MTHFD2L: variants seen among roughly 807,000 people sequenced by gnomAD.
The protein encoded by MTHFD2L is bifunctional methylenetetrahydrofolate dehydrogenase/cyclohydrolase 2, mitochondrial.
A neutral mutation model predicts 34.9 loss-of-function variants in MTHFD2L; 29 were observed. The observed-to-expected ratio is 0.83, with a 90% CI of 0.62 to 1.13. The LOEUF is 1.13. MTHFD2L is among the 50% of genes most tolerant of loss of function. The pLI, the probability that MTHFD2L is intolerant of heterozygous loss-of-function variation, is 0.00. For synonymous variants in MTHFD2L, 167 were observed against 155.7 expected (o/e 1.07, Z -0.54); for missense variants, 481 against 446.5 (o/e 1.08, Z -0.70).
intron 5 of MTHFD2L, among the ~76,000 whole-genome samples, chr4:74,208,362 G>A (rs1578471321): frequency 6.6e-6 from 1 of 151,802 alleles, no homozygotes; most frequent in East Asian, 1.9e-4. Flanking sequence ...CAGCCATTTA[G>A]TATCTGCACA....
upstream of MTHFD2L, among the ~76,000 whole-genome samples, chr4:74,118,868 T>C (rs1280425080): frequency 1.3e-5 from 2 of 152,224 alleles, no homozygotes; most frequent in Non-Finnish European, 2.9e-5. Flanking sequence ...TAGATTCTCA[T>C]AGGAGTGCAC....
chr4:74,196,472 T>C (rs1019762076), intron 3 of MTHFD2L, among the ~76,000 whole-genome samples: 15 of 152,070 alleles, frequency 9.9e-5, no homozygotes, highest in African/African-American at 3.6e-4. Context: ...AAGGACACAA[T>C]GTTTACTATA....
intron 5 of MTHFD2L, among the ~76,000 whole-genome samples, chr4:74,203,396 T>C (rs1734773697): frequency 6.6e-6 from 1 of 152,204 alleles, no homozygotes; most frequent in South Asian, 2.1e-4. Context: ...TTTCTGTGTC[T>C]TACCTAAGCA....
chr4:74,273,607 A>G (rs957150571), intron 6 of MTHFD2L, among the ~76,000 whole-genome samples: 2 of 152,182 alleles, frequency 1.3e-5, no homozygotes, highest in African/African-American at 4.8e-5. Context: ...GAAAATGTCT[A>G]TTATAATTCT....
At chr4:74,194,267 G>A (rs1172647042) in intron 3 of MTHFD2L, 2 of 152,086 alleles carry the variant, frequency 1.3e-5, no homozygotes, top group East Asian at 1.9e-4. Flanking sequence ...TTTCAACTAC[G>A]GTGTTAGCCC....
At chr4:74,264,957 C>A (rs1745108550) in intron 6 of MTHFD2L, among the ~76,000 whole-genome samples, 1 of 152,038 alleles carries the variant, frequency 6.6e-6, no homozygotes, top group Admixed American at 6.6e-5. Context: ...ATATTAAGAT[C>A]TATTGGAAAA....
At chr4:74,290,919 C>T (rs1403550356) in intron 7 of MTHFD2L, among the ~76,000 whole-genome samples, 1 of 149,450 alleles carries the variant, frequency 6.7e-6, no homozygotes, top group Non-Finnish European at 1.5e-5. Context: ...TGCTATACTG[C>T]GTTGCACTTT....
chr4:74,152,951 C>T (rs1324455492), intron 1 of MTHFD2L, among the ~76,000 whole-genome samples: 2 of 152,230 alleles, frequency 1.3e-5, no homozygotes, highest in South Asian at 4.1e-4. Context: ...TGCTGCCAAG[C>T]TAAGCTTCTT....
intron 7 of MTHFD2L, among the ~76,000 whole-genome samples, chr4:74,282,437 G>A (rs1464794723): frequency 6.6e-6 from 1 of 152,080 alleles, no homozygotes; most frequent in Non-Finnish European, 1.5e-5. Context: ...AAAAGAATAG[G>A]TGATGCCATT....
At chr4:74,148,427 G>T (rs1298989666) in intron 1 of MTHFD2L, among the ~76,000 whole-genome samples, 1 of 147,216 alleles carries the variant, frequency 6.8e-6, no homozygotes, top group African/African-American at 2.5e-5. Flanking sequence ...TTGCTCTGTT[G>T]CCCAGGCTGG....
intron 5 of MTHFD2L, among the ~76,000 whole-genome samples, chr4:74,211,362 A>G (rs1232619469): frequency 3.3e-5 from 5 of 152,156 alleles, no homozygotes; most frequent in Non-Finnish European, 4.4e-5. Context: ...CGTTCCATCA[A>G]TATCTAGTTT....
chr4:74,118,799 G>A (rs140681234), upstream of MTHFD2L, among the ~76,000 whole-genome samples: 1,372 of 152,296 alleles, frequency 9.0e-3, 12 homozygotes, highest in Non-Finnish European at 0.014. Flanking sequence ...ATTTATAGCC[G>A]CTCCCCATTG....
chr4:74,280,698 T>G (rs1238572438), intron 6 of MTHFD2L, among the ~76,000 whole-genome samples: 1 of 152,070 alleles, frequency 6.6e-6, no homozygotes, highest in African/African-American at 2.4e-5. Flanking sequence ...GAAACAAAAT[T>G]TGAAAATAAT....
chr4:74,248,859 T>A (rs1742883719), intron 6 of MTHFD2L, among the ~76,000 whole-genome samples: 2 of 151,550 alleles, frequency 1.3e-5, no homozygotes, highest in South Asian at 4.2e-4. Context: ...TTTGTTATAA[T>A]TTCTGTTCTT....
intron 6 of MTHFD2L, chr4:74,241,439 G>GC (rs1449191360): frequency 5.8e-6 from 1 of 171,104 alleles, no homozygotes; most frequent in African/African-American, 2.4e-5. Flanking sequence ...TATTTCCCAT[G>GC]CTGGAGTGCA....
Position 74,301,885 on chromosome 4 carries a change from C to A in MTHFD2L, c.*76C>A. 1.3e-6 allele frequency: 1 copy of A among 749,684 alleles called. No homozygotes were observed. The allele number at this position is 749,684 out of a possible 1,614,324, so 46.4% of individuals were successfully genotyped here. A position where few individuals can be genotyped will look rare whatever the true frequency, so the allele number is the denominator to read the frequency against. ...CAAAGGGTAAAACCTTTATATTTTA[C>A]TACAAAGCTATTTATTTCTACATGG... On this transcript the variant is annotated 3_prime_UTR_variant, in exon 8 of 8. Transcript: ENST00000325278.
In MTHFD2L at chr4:74,188,222, A is replaced by G. The variant is rs1279835250; in HGVS notation, c.452-11572A>G. ...GCTTCATCTATCATAAGAAAATACC[A>G]TGGAATGAGAGGCTTAAACAGCAGA... On this transcript the variant is annotated intron_variant, in intron 3 of 7. Transcript: ENST00000325278. 9.2e-5 allele frequency among the ~76,000 whole-genome samples: 14 copies of G among 152,332 alleles called. No individual in the cohort carries two copies. The East Asian group carries it at 1.7e-3, about 19-fold the overall frequency.
intron 5 of MTHFD2L, among the ~76,000 whole-genome samples, chr4:74,218,312 C>A (rs943161731): frequency 6.6e-6 from 1 of 152,030 alleles, no homozygotes; most frequent in African/African-American, 2.4e-5. Context: ...GTAAAAGACA[C>A]AGAATCCAGA....
chr4:74,249,414 A>G (rs1427081673), intron 6 of MTHFD2L, among the ~76,000 whole-genome samples: 1 of 152,074 alleles, frequency 6.6e-6, no homozygotes, highest in Non-Finnish European at 1.5e-5. Context: ...CAGCACACTG[A>G]TGGGTCTTGA....
Sources: gnomAD v4.1 joint callset for allele counts (sites outside exome capture counted in the v4.1 genomes callset) on GRCh38, gnomAD v4.1.1 for gene constraint, MANE v1.5 for transcripts, NCBI Gene and HGNC (gene_info 2026-07-23, HGNC 2026-07-21) for gene names.